Variants in MSI2 observed in about 807,000 individuals in gnomAD.
MSI2 encodes the protein musashi RNA binding protein 2.
Under a neutral mutation model 45.6 loss-of-function variants are expected in MSI2, and 17 were observed. The observed-to-expected ratio is 0.37, with a 90% confidence interval of 0.26 to 0.56. MSI2 has a LOEUF of 0.56. Among genes scored for constraint, MSI2 ranks in the 20% least tolerant of loss-of-function variants. MSI2 has a pLI of 0.77. For missense variants in MSI2, 293 were observed against 444.2 expected (o/e 0.66, Z 3.06); for synonymous variants, 156 against 158.2 (o/e 0.99, Z 0.11).
rs34312371 is a variant in MSI2, at chr17:57,461,533, A to AT, written c.405+60080dup. 9.0e-4 allele frequency among the ~76,000 whole-genome samples: 122 copies of AT among 136,174 alleles called. 1 individual carries two copies. Among genetic ancestry groups the AT allele is most frequent in the African/African-American group, 2.5e-3 (92 of 36,290 alleles). 89.3% of individuals were successfully genotyped at this position (136,174 alleles called of 152,430 possible). A position where few individuals can be genotyped will look rare whatever the true frequency, so the allele number is the denominator to read the frequency against. ...AGTAGGGCAGAGCCCCAACTCTTGGATTTTTTTTTTTTTTTTTTGAGACAT... is the reference window on the plus strand; with the variant it reads ...AGTAGGGCAGAGCCCCAACTCTTGGATTTTTTTTTTTTTTTTTTTGAGACAT... On this transcript the variant is annotated intron_variant, in intron 6 of 13. Coordinates refer to ENST00000284073, the MANE Select transcript of MSI2 (RefSeq NM_138962.4).
At chr17:57,398,268 C>T (rs959503152) in intron 5 of MSI2, among the ~76,000 whole-genome samples, 7 of 152,208 alleles carry the variant, frequency 4.6e-5, no homozygotes, top group Non-Finnish European at 1.0e-4. Context: ...ACCCGCCCGA[C>T]TCTAAACAGT....
At position 57,677,044 on chromosome 17, in the gene MSI2, G is replaced by A. The variant is rs754477382; in HGVS notation, c.*16G>A. On this transcript the variant is annotated 3_prime_UTR_variant, in exon 13 of 14. Transcript: ENST00000284073. Reference sequence around the variant, plus strand: ...ATACCATTGAGCAGGTGCTTTCGTTGCCATCTCACTCTGAGGTATTACCGT... The same window carrying A: ...ATACCATTGAGCAGGTGCTTTCGTTACCATCTCACTCTGAGGTATTACCGT... 1.2e-6 allele frequency: 2 copies of A among 1,612,716 alleles called. No individual in the cohort carries two copies. Among genetic ancestry groups the A allele is most frequent in the Admixed American group, 1.7e-5 (1 of 60,002 alleles).
rs539928791 is a variant in MSI2 at position 57,680,203 on chromosome 17, T to C, written c.*686T>C. 1.9e-4 allele frequency: 43 copies of C among 229,390 alleles called. No homozygotes were observed. The highest frequency in any genetic ancestry group is 6.2e-4 in the Admixed American group (11 of 17,662). The allele number at this position is 229,390 out of a possible 1,614,324, so 14.2% of individuals were successfully genotyped here. A position where few individuals can be genotyped will look rare whatever the true frequency, so the allele number is the denominator to read the frequency against. ...AGCAGTTCTTTTTGTGATGTCTCTT[T>C]GTTAATCTGAGTCTATCTATTTTCG... On this transcript the variant is annotated 3_prime_UTR_variant, in exon 14 of 14. Transcript: ENST00000284073.
Position 57,301,499 on chromosome 17 carries a change from T to C in MSI2, c.312+39307T>C, listed in dbSNP as rs550408238. On this transcript the variant is annotated intron_variant, in intron 5 of 13. Coordinates refer to ENST00000284073, the MANE Select transcript of MSI2 (RefSeq NM_138962.4). ...AGGAGAATATTACCAATACCTTTGA[T>C]ACCCCTGGGTGTTTCTTCCCGGTTT... Among the ~76,000 whole-genome samples, 37 of 152,388 alleles carry C rather than the reference T, an allele frequency of 2.4e-4. 1 individual carries two copies. The South Asian group carries it at 7.2e-3, about 30-fold the overall frequency.
chr17:57,349,578 A>T (rs534098742), intron 5 of MSI2, among the ~76,000 whole-genome samples: 77 of 152,346 alleles, frequency 5.1e-4, no homozygotes, highest in Non-Finnish European at 8.5e-4. Context: ...AAAATGAAAT[A>T]CTTGAATGAT....
intron 6 of MSI2, among the ~76,000 whole-genome samples, chr17:57,477,687 G>T (rs1255340570): frequency 1.3e-5 from 2 of 152,174 alleles, no homozygotes; most frequent in Non-Finnish European, 2.9e-5. Flanking sequence ...GCCAGGGAGG[G>T]CCCCAAGAGA....
chr17:57,319,457 A>G (rs1423648855), intron 5 of MSI2, among the ~76,000 whole-genome samples: 1 of 152,228 alleles, frequency 6.6e-6, no homozygotes, highest in Non-Finnish European at 1.5e-5. Flanking sequence ...TGCATCTTAC[A>G]AATGGATGGC....
At chr17:57,572,832 T>C (rs1342227116) in intron 7 of MSI2, among the ~76,000 whole-genome samples, 2 of 152,218 alleles carry the variant, frequency 1.3e-5, no homozygotes, top group Non-Finnish European at 2.9e-5. Flanking sequence ...TAGAGGAGCC[T>C]GGATTCAGGT....
intron 5 of MSI2, among the ~76,000 whole-genome samples, chr17:57,308,286 T>C (rs1186475075): frequency 6.6e-6 from 1 of 152,230 alleles, no homozygotes; most frequent in African/African-American, 2.4e-5. Flanking sequence ...CAAGGTTGTT[T>C]TGAGGATTAA....
At chr17:57,425,183 T>G (rs913039406) in intron 6 of MSI2, among the ~76,000 whole-genome samples, 1 of 152,226 alleles carries the variant, frequency 6.6e-6, no homozygotes, top group African/African-American at 2.4e-5. Context: ...ATGGAGTTAT[T>G]CTGGAATATT....
At chr17:57,610,376 C>T (rs965894892) in intron 8 of MSI2, among the ~76,000 whole-genome samples, 6 of 152,130 alleles carry the variant, frequency 3.9e-5, no homozygotes, top group Non-Finnish European at 7.4e-5. Flanking sequence ...CACTTGAACC[C>T]GGGAGGCGGA....
At chr17:57,701,074 T>C in the MSI2 span, among the ~76,000 whole-genome samples, 1 of 151,968 alleles carries the variant, frequency 6.6e-6, no homozygotes, top group Non-Finnish European at 1.5e-5. Flanking sequence ...TCCCCTTGAA[T>C]AGGTAAAAGA....
intron 11 of MSI2, among the ~76,000 whole-genome samples, chr17:57,670,619 C>A (rs539703953): frequency 6.6e-6 from 1 of 152,232 alleles, no homozygotes; most frequent in East Asian, 1.9e-4. Flanking sequence ...TCGGTGAGAT[C>A]GGTGTCCTTG....
chr17:57,672,986 TTCTTTTC>T (rs1252931848), intron 11 of MSI2, among the ~76,000 whole-genome samples: 3 of 152,242 alleles, frequency 2.0e-5, no homozygotes, highest in Admixed American at 6.5e-5. Context: ...ATTTATTTTT[TTCTTTTC>T]TCTTTAACCT....
At chr17:57,700,903 A>T in the MSI2 span, among the ~76,000 whole-genome samples, 1 of 69,328 alleles carries the variant, frequency 1.4e-5, no homozygotes, top group Non-Finnish European at 3.5e-5. Flanking sequence ...ACTCTGTCTT[A>T]AAAAAAAAAA....
chr17:57,548,047 C>T (rs190705464), intron 7 of MSI2, among the ~76,000 whole-genome samples: 33 of 152,276 alleles, frequency 2.2e-4, no homozygotes, highest in African/African-American at 7.2e-4. Flanking sequence ...ATTGCATCCA[C>T]CCCAACAGGG....
chr17:57,564,264 A>C (rs1157009706), intron 7 of MSI2, among the ~76,000 whole-genome samples: 3 of 152,244 alleles, frequency 2.0e-5, no homozygotes, highest in Admixed American at 2.0e-4. Context: ...AGGACAGCCC[A>C]GAAGGTCGCC....
chr17:57,297,598 A>G (rs1387753879), intron 5 of MSI2, among the ~76,000 whole-genome samples: 7 of 152,160 alleles, frequency 4.6e-5, no homozygotes, highest in Non-Finnish European at 7.4e-5. Flanking sequence ...AAATAAGACA[A>G]TGATGAAGTT....
chr17:57,484,294 G>A (rs952062174), intron 6 of MSI2, among the ~76,000 whole-genome samples: 1 of 152,126 alleles, frequency 6.6e-6, no homozygotes, highest in Non-Finnish European at 1.5e-5. Context: ...ACCTTTAGGT[G>A]AGTGGGTCCA....
Sources: gnomAD v4.1 joint callset for allele counts (sites outside exome capture counted in the v4.1 genomes callset) on GRCh38, gnomAD v4.1.1 for gene constraint, MANE v1.5 for transcripts, NCBI Gene and HGNC (gene_info 2026-07-23, HGNC 2026-07-21) for gene names.